DYNC2I2: variants seen among roughly 807,000 people sequenced by gnomAD.
DYNC2I2 encodes the protein cytoplasmic dynein 2 intermediate chain 2.
Under a neutral mutation model 52.0 loss-of-function variants are expected in DYNC2I2, and 39 were observed. That is an observed-to-expected ratio of 0.75 (90% confidence interval 0.58 to 0.98). DYNC2I2 has a LOEUF of 0.98. Ranked by LOEUF, DYNC2I2 falls within the 50% of genes least tolerant of loss-of-function variation. The pLI, the probability that DYNC2I2 is intolerant of heterozygous loss-of-function variation, is 0.00. For missense variants in DYNC2I2, 743 were observed against 728.4 expected, an observed-to-expected ratio of 1.02 and a Z score of -0.23; for synonymous variants, 359 against 321.1, an observed-to-expected ratio of 1.12 and a Z score of -1.26.
intron 1 of DYNC2I2, among the ~76,000 whole-genome samples, chr9:128,653,002 G>A (rs1177397887): frequency 6.6e-6 from 1 of 150,724 alleles, no homozygotes; most frequent in Non-Finnish European, 1.5e-5. Context: ...GCTGAGGCGG[G>A]TGGATCACCT....
At chr9:128,656,895 A>T, upstream of DYNC2I2, 1 of 702,952 alleles carries the variant, frequency 1.4e-6, no homozygotes, top group African/African-American at 1.9e-5. Context: ...TCTCGGCCAG[A>T]GAGAGAAGCA....
upstream of DYNC2I2, among the ~76,000 whole-genome samples, chr9:128,658,390 C>G (rs1860876575): frequency 6.6e-6 from 1 of 152,068 alleles, no homozygotes; most frequent in South Asian, 2.1e-4. Flanking sequence ...GTCTGGAACT[C>G]CTGATCTCAA....
chr9:128,653,273 T>C (rs1860753154), intron 1 of DYNC2I2, among the ~76,000 whole-genome samples: 1 of 150,454 alleles, frequency 6.6e-6, no homozygotes, highest in Non-Finnish European at 1.5e-5. Flanking sequence ...GTGAGGTGGC[T>C]CAGGCTTGTA....
intron 1 of DYNC2I2, among the ~76,000 whole-genome samples, chr9:128,649,311 G>A (rs1433254459): frequency 6.6e-6 from 1 of 152,060 alleles, no homozygotes; most frequent in East Asian, 1.9e-4. Flanking sequence ...AGGCGCGATG[G>A]TGTGCACCTG....
chr9:128,655,925 A>AT (rs1325638412), intron 1 of DYNC2I2, among the ~76,000 whole-genome samples: 5 of 145,116 alleles, frequency 3.4e-5, no homozygotes, highest in Non-Finnish European at 7.5e-5. Flanking sequence ...AAAAAAAAAA[A>AT]GCCTGAACGC....
chr9:128,659,792 CAGCTACTCCGG>C (rs1327537500), upstream of DYNC2I2, among the ~76,000 whole-genome samples: 5 of 151,676 alleles, frequency 3.3e-5, no homozygotes, highest in African/African-American at 1.2e-4. Flanking sequence ...CCTATAATTC[CAGCTACTCCGG>C]AGGCTGAGGC....
the DYNC2I2 span, chr9:128,683,853 G>A: frequency 2.7e-6 from 4 of 1,502,750 alleles, no homozygotes; most frequent in South Asian, 1.2e-5. Context: ...CTTCCGGACG[G>A]GCGAGGAGAC....
the DYNC2I2 span, among the ~76,000 whole-genome samples, chr9:128,668,180 T>C: frequency 1.8e-3 from 273 of 149,836 alleles, 3 homozygotes; most frequent in African/African-American, 6.1e-3. Context: ...AGGATGGTCT[T>C]GATCTCCTGA....
chr9:128,642,560 G>A (rs1247936535), intron 1 of DYNC2I2, among the ~76,000 whole-genome samples: 1 of 151,676 alleles, frequency 6.6e-6, no homozygotes, highest in Non-Finnish European at 1.5e-5. Flanking sequence ...CACAAGGTCA[G>A]GAGATCGAGA....
the DYNC2I2 span, chr9:128,663,693 A>C: frequency 1.6e-5 from 2 of 121,974 alleles, no homozygotes; most frequent in East Asian, 2.3e-4. Context: ...CACTCTTGTC[A>C]CCCAAGCTGG....
chr9:128,678,389 C>T, the DYNC2I2 span, among the ~76,000 whole-genome samples: 1 of 147,950 alleles, frequency 6.8e-6, no homozygotes, highest in African/African-American at 2.5e-5. Context: ...TTAAAAGAGG[C>T]CAGGTGCAAA....
At chr9:128,676,169 A>G in the DYNC2I2 span, among the ~76,000 whole-genome samples, 2 of 152,036 alleles carry the variant, frequency 1.3e-5, no homozygotes, top group African/African-American at 4.8e-5. Context: ...CCCTGTCTCA[A>G]TTTAAAAATA....
intron 1 of DYNC2I2, among the ~76,000 whole-genome samples, chr9:128,655,369 G>A (rs1425195688): frequency 2.3e-5 from 1 of 44,084 alleles, no homozygotes; most frequent in Non-Finnish European, 6.9e-5. Context: ...AAATTAGCCG[G>A]GCGTGGTGGC....
At chr9:128,637,084 C>A in intron 2 of DYNC2I2, 57 bp from the exon 3 acceptor site, 1 of 1,294,796 alleles carries the variant, frequency 7.7e-7, no homozygotes, top group East Asian at 2.4e-5. Flanking sequence ...CTCATGACTG[C>A]CTAACCAAAC....
intron 1 of DYNC2I2, among the ~76,000 whole-genome samples, chr9:128,654,607 G>C (rs1347650968): frequency 6.6e-6 from 1 of 152,068 alleles, no homozygotes; most frequent in Non-Finnish European, 1.5e-5. Context: ...ACCCAAACTG[G>C]AACACAGTGG....
the DYNC2I2 span, among the ~76,000 whole-genome samples, chr9:128,676,532 AT>A: frequency 0.95 from 127,449 of 134,304 alleles, 60,508 homozygotes; most frequent in Non-Finnish European, 0.98. Flanking sequence ...ATGTGTTTGA[AT>A]TTTTTTTTTT....
At chr9:128,669,468 T>C in the DYNC2I2 span, among the ~76,000 whole-genome samples, 148,722 of 152,194 alleles carry the variant, frequency 0.98, 72,711 homozygotes, top group Non-Finnish European at 1. Flanking sequence ...GAGGCTGAGG[T>C]GGTCAGATCA....
chr9:128,634,787 CGT>C lies in DYNC2I2; in HGVS notation c.1114_1115del (p.Thr372AlafsTer42), dbSNP rs1564338371. 6.2e-7 allele frequency: 1 copy of C among 1,611,286 alleles called. No individual in the cohort carries two copies. The highest frequency in any genetic ancestry group is 8.5e-7 in the Non-Finnish European group (1 of 1,179,060). On this transcript the variant is annotated frameshift_variant, in exon 7 of 9. Coordinates refer to ENST00000372715, the MANE Select transcript of DYNC2I2 (RefSeq NM_052844.4). LOFTEE classifies it high-confidence loss of function. ...CSLAAGEAALTRMPSSVPLRA... is the reference protein window; with the variant it reads ...CSLAAGEAALXRMPSSVPLRA... ...GCAGGGGCACGGAGCTGGGCATCCG[CGT>C]GAGGGCTGCCTCTCCAGCTGCCAGG...
In DYNC2I2 at chr9:128,644,547, G is replaced by A. The variant is rs566106738; in HGVS notation, c.187-3608C>T. Among the ~76,000 whole-genome samples, 90 of 152,066 alleles carry A rather than the reference G, an allele frequency of 5.9e-4. 1 individual carries two copies. The highest frequency in any genetic ancestry group is 1.1e-3 in the Non-Finnish European group (78 of 68,026). ...TCCCTCCTCTGCCTCCCAAAGTCCT[G>A]GGATTACAGGCGTGAGCCACCGCAC... On this transcript the variant is annotated intron_variant, in intron 1 of 8. Coordinates refer to ENST00000372715, the MANE Select transcript of DYNC2I2 (RefSeq NM_052844.4).
Sources: allele counts gnomAD v4.1 joint callset (sites outside exome capture counted in the v4.1 genomes callset), GRCh38; gene constraint gnomAD v4.1.1; transcripts MANE v1.5; gene names NCBI Gene and HGNC (gene_info 2026-07-23, HGNC 2026-07-21).